The following LAPTM4B variants were observed in gnomAD, a reference collection of about 807,000 sequenced individuals.
LAPTM4B encodes the protein lysosomal-associated transmembrane protein 4B.
A neutral mutation model predicts 28.5 loss-of-function variants in LAPTM4B; 26 were observed. The observed-to-expected ratio is 0.91, with a 90% CI of 0.67 to 1.27. LAPTM4B has a LOEUF of 1.27. LAPTM4B is among the 50% of genes most tolerant of loss of function. The pLI is 0.00. For synonymous variants in LAPTM4B, 109 were observed against 106.4 expected, an observed-to-expected ratio of 1.02 and a Z score of -0.15; for missense variants, 288 against 285.8, an observed-to-expected ratio of 1.01 and a Z score of -0.06.
chr8:97,813,609 T>A (rs1263479663), intron 2 of LAPTM4B, among the ~76,000 whole-genome samples: 1 of 152,264 alleles, frequency 6.6e-6, no homozygotes, highest in Non-Finnish European at 1.5e-5. Flanking sequence ...GTTGAGGTCC[T>A]GTTTGCCACT....
intron 2 of LAPTM4B, among the ~76,000 whole-genome samples, chr8:97,812,467 A>G (rs1363533839): frequency 6.6e-6 from 1 of 152,052 alleles, no homozygotes; most frequent in East Asian, 1.9e-4. Flanking sequence ...TCGGCCTCCC[A>G]GAGTGCTGGG....
chr8:97,785,813 C>T (rs550327072), intron 1 of LAPTM4B, among the ~76,000 whole-genome samples: 24 of 152,220 alleles, frequency 1.6e-4, no homozygotes, highest in Non-Finnish European at 2.8e-4. Flanking sequence ...AGACATAGCT[C>T]AAAAGGGAGG....
At chr8:97,799,213 C>T (rs1816635583) in intron 1 of LAPTM4B, among the ~76,000 whole-genome samples, 1 of 152,152 alleles carries the variant, frequency 6.6e-6, no homozygotes, top group Non-Finnish European at 1.5e-5. Context: ...ATGAAATGCC[C>T]TATTACTTCT....
At chr8:97,823,356 G>GTT (rs72472850) in intron 5 of LAPTM4B, among the ~76,000 whole-genome samples, 100 of 131,162 alleles carry the variant, frequency 7.6e-4, no homozygotes, top group African/African-American at 2.9e-3. Context: ...TTTTTTTTTT[G>GTT]TTTTTTTTTT....
chr8:97,811,789 C>G (rs938483586), intron 2 of LAPTM4B, among the ~76,000 whole-genome samples: 20 of 151,964 alleles, frequency 1.3e-4, no homozygotes, highest in African/African-American at 4.8e-4. Context: ...ACCATCCTGG[C>G]CCTTTATTTT....
chr8:97,804,583 C>T (rs749381287), intron 1 of LAPTM4B, among the ~76,000 whole-genome samples: 6 of 152,168 alleles, frequency 3.9e-5, no homozygotes, highest in South Asian at 2.1e-4. Context: ...GTACCCACTT[C>T]GTTAGGTTAT....
intron 6 of LAPTM4B, among the ~76,000 whole-genome samples, chr8:97,847,282 T>G (rs1817448685): frequency 6.6e-6 from 1 of 152,248 alleles, no homozygotes; most frequent in South Asian, 2.1e-4. Context: ...TTTGGTTGTA[T>G]TAAGCATTGC....
At chr8:97,788,970 A>G (rs1026021504) in intron 1 of LAPTM4B, among the ~76,000 whole-genome samples, 1 of 151,822 alleles carries the variant, frequency 6.6e-6, no homozygotes, top group Non-Finnish European at 1.5e-5. Flanking sequence ...CTGGGTTTAC[A>G]GGCGTGAGCT....
At chr8:97,783,254 CT>C (rs1563599853) in intron 1 of LAPTM4B, among the ~76,000 whole-genome samples, 1 of 151,752 alleles carries the variant, frequency 6.6e-6, no homozygotes, top group Non-Finnish European at 1.5e-5. Context: ...CCTGGTCTTT[CT>C]TTTTAATTTT....
intron 6 of LAPTM4B, among the ~76,000 whole-genome samples, chr8:97,835,891 G>T (rs1013904894): frequency 6.6e-6 from 1 of 152,070 alleles, no homozygotes; most frequent in Non-Finnish European, 1.5e-5. Flanking sequence ...CAGCGGGCGC[G>T]GGCAAGCAAG....
intron 6 of LAPTM4B, among the ~76,000 whole-genome samples, chr8:97,835,347 A>G (rs2512061): frequency 0.47 from 71,575 of 152,044 alleles, 17,123 homozygotes; most frequent in East Asian, 0.58. Context: ...CTCTTTCCCA[A>G]AATTCTTCTC....
rs192872821 is a variant in LAPTM4B, at chr8:97,838,073, A to G, written c.603+12920A>G. Among the ~76,000 whole-genome samples the G allele has an allele frequency of 2.5e-4, 38 of 152,348 alleles. No individual in the cohort carries two copies. In the East Asian group the frequency reaches 5.6e-3, roughly 22 times the overall value. ...TGTTTCCAGAGGCAGGGTTAGAGGC[A>G]GTGAAGGTCTGGCCCAGGGCAGGAG... On this transcript the variant is annotated intron_variant, in intron 6 of 6. Coordinates refer to ENST00000521545, the MANE Select transcript of LAPTM4B (RefSeq NM_018407.6).
intron 1 of LAPTM4B, among the ~76,000 whole-genome samples, chr8:97,787,536 G>A (rs539709564): frequency 2.6e-5 from 4 of 152,134 alleles, no homozygotes; most frequent in South Asian, 2.1e-4. Context: ...CATCCGCCTC[G>A]GCCTCCCAAA....
chr8:97,802,584 A>G (rs1398976019), intron 1 of LAPTM4B, among the ~76,000 whole-genome samples: 1 of 152,064 alleles, frequency 6.6e-6, no homozygotes, highest in Non-Finnish European at 1.5e-5. Context: ...TGCGACCTGT[A>G]CCTTGCACCG....
At chr8:97,837,510 G>A (rs551296496) in intron 6 of LAPTM4B, among the ~76,000 whole-genome samples, 2 of 152,126 alleles carry the variant, frequency 1.3e-5, no homozygotes, top group East Asian at 3.9e-4. Flanking sequence ...GTTTGGATAT[G>A]GTTAGAAACA....
chr8:97,801,320 T>C (rs1386071763), intron 1 of LAPTM4B, among the ~76,000 whole-genome samples: 1 of 152,070 alleles, frequency 6.6e-6, no homozygotes, highest in Non-Finnish European at 1.5e-5. Context: ...CAGCTGGGAT[T>C]ACAGGCACAC....
chr8:97,782,279 CTTTTTTTT>C (rs34322160), intron 1 of LAPTM4B, among the ~76,000 whole-genome samples: 7 of 50,238 alleles, frequency 1.4e-4, no homozygotes, highest in African/African-American at 2.1e-4. Context: ...CCATGCCCAG[CTTTTTTTT>C]TTTTTTTTTT....
At chr8:97,822,007 A>G (rs962168460) in intron 5 of LAPTM4B, among the ~76,000 whole-genome samples, 1 of 152,268 alleles carries the variant, frequency 6.6e-6, no homozygotes, top group African/African-American at 2.4e-5. Context: ...TTCATGTGTC[A>G]TTCAGCAGTT....
intron 6 of LAPTM4B, among the ~76,000 whole-genome samples, chr8:97,836,217 C>T (rs930012481): frequency 6.6e-6 from 1 of 152,132 alleles, no homozygotes; most frequent in East Asian, 1.9e-4. Flanking sequence ...GAGTCTCGCT[C>T]TGTCAGGCTG....
Sources: allele counts gnomAD v4.1 joint callset (sites outside exome capture counted in the v4.1 genomes callset), GRCh38; gene constraint gnomAD v4.1.1; transcripts MANE v1.5; gene names NCBI Gene and HGNC (gene_info 2026-07-23, HGNC 2026-07-21).